The following ANKHD1 variants were observed in gnomAD, a reference collection of about 807,000 sequenced individuals.
ANKHD1 encodes ankyrin repeat and KH domain-containing protein 1.
Under a neutral mutation model 230.5 loss-of-function variants are expected in ANKHD1, and 31 were observed. The observed-to-expected ratio is 0.13, with a 90% confidence interval of 0.10 to 0.18. ANKHD1 has a LOEUF of 0.18. ANKHD1 is among the 10% of genes least tolerant of loss of function. The pLI, the probability that ANKHD1 is intolerant of heterozygous loss-of-function variation, is 1.00. For missense variants in ANKHD1, 2,256 were observed against 3,071.3 expected (o/e 0.73, Z 6.27); for synonymous variants, 1,074 against 1,117.6 (o/e 0.96, Z 0.78).
Position 140,402,209 on chromosome 5 carries a change from C to A in ANKHD1, c.242C>A (p.Ala81Asp), listed in dbSNP as rs1401724620. The part of the protein sequence containing the change: ...GDAALDFKLA[A>D]AVLRTGGGGG... ...GCGGCGCTGGATTTCAAGTTGGCGG[C>A]TGCCGTGCTGAGGACCGGGGGTGGA... Residue 81 changes from alanine to aspartate, a missense_variant, in exon 1 of 34, where the codon GCT becomes GAT. By Grantham distance (126) the Ala-to-Asp change is moderately radical (BLOSUM62 -2). Around this residue, in one of 13 missense-constraint regions of ANKHD1, gnomAD observed 193 missense variants for 185.8 expected, o/e 1.04. Transcript: ENST00000360839. The A allele has an allele frequency of 2.6e-6, 4 of 1,523,588 alleles. No individual in the cohort carries two copies. The African/African-American group carries it at 5.6e-5, about 21-fold the overall frequency. 94.4% of individuals were successfully genotyped at this position (1,523,588 alleles called of 1,614,324 possible).
At chr5:140,438,401 C>A in intron 2 of ANKHD1, 60 bp from the exon 3 acceptor site, 2 of 1,447,780 alleles carry the variant, frequency 1.4e-6, no homozygotes, top group South Asian at 1.6e-5. Context: ...TTACAATTTG[C>A]ACTTTTATAC....
At chr5:140,424,849 G>GAA (rs1772276367) in intron 1 of ANKHD1, among the ~76,000 whole-genome samples, 1 of 152,234 alleles carries the variant, frequency 6.6e-6, no homozygotes, top group African/African-American at 2.4e-5. Context: ...TTGGTGTAGT[G>GAA]AAAAGGGTGT....
chr5:140,440,705 G>A lies in ANKHD1; in HGVS notation c.766-290G>A, dbSNP rs569916328. Among the ~76,000 whole-genome samples the A allele has an allele frequency of 2.2e-4, 33 of 152,126 alleles. No individual in the cohort carries two copies. The South Asian group carries it at 6.8e-3, about 32-fold the overall frequency. On this transcript the variant is annotated intron_variant, in intron 4 of 33. Coordinates refer to ENST00000360839, the MANE Select transcript of ANKHD1 (RefSeq NM_017747.3). Reference sequence around the variant, plus strand: ...TGTGAGTATAGTTTTGCTGTTCTTTGGCTAGATAACCTCAAGCATAACATT... The same window carrying A: ...TGTGAGTATAGTTTTGCTGTTCTTTAGCTAGATAACCTCAAGCATAACATT...
At chr5:140,520,263 A>T (rs1753264356) in intron 24 of ANKHD1, among the ~76,000 whole-genome samples, 1 of 152,100 alleles carries the variant, frequency 6.6e-6, no homozygotes, top group South Asian at 2.1e-4. Context: ...GGCGATCATT[A>T]AAAAGTCAGG....
intron 10 of ANKHD1, among the ~76,000 whole-genome samples, chr5:140,475,972 G>A (rs958873668): frequency 6.6e-6 from 1 of 152,118 alleles, no homozygotes; most frequent in African/African-American, 2.4e-5. Flanking sequence ...TGAGAATTAT[G>A]AACATGTTTA....
intron 9 of ANKHD1, among the ~76,000 whole-genome samples, chr5:140,459,910 T>A (rs1775580475): frequency 6.6e-6 from 1 of 152,218 alleles, no homozygotes; most frequent in Admixed American, 6.5e-5. Context: ...CTTAGACTCC[T>A]AAGTCTCTAA....
chr5:140,451,297 A>T (rs1233170940), intron 7 of ANKHD1, among the ~76,000 whole-genome samples: 1 of 152,202 alleles, frequency 6.6e-6, no homozygotes, highest in African/African-American at 2.4e-5. Context: ...TTTTCTTTTC[A>T]ATTAGAAATG....
intron 7 of ANKHD1, among the ~76,000 whole-genome samples, chr5:140,454,811 G>A (rs1181962749): frequency 1.3e-5 from 2 of 152,150 alleles, no homozygotes; most frequent in Non-Finnish European, 2.9e-5. Context: ...AACTAGAGAA[G>A]TAAGAGCAAA....
At chr5:140,447,556 A>G (rs916975862) in intron 6 of ANKHD1, among the ~76,000 whole-genome samples, 5 of 152,174 alleles carry the variant, frequency 3.3e-5, no homozygotes, top group Non-Finnish European at 7.4e-5. Context: ...ATACTATTTC[A>G]CTATTTCATT....
At chr5:140,465,630 A>G (rs1776028165) in intron 10 of ANKHD1, among the ~76,000 whole-genome samples, 1 of 152,212 alleles carries the variant, frequency 6.6e-6, no homozygotes, top group Non-Finnish European at 1.5e-5. Context: ...TGCAAGTATT[A>G]CCTTTTAAAT....
intron 24 of ANKHD1, among the ~76,000 whole-genome samples, chr5:140,516,903 A>G (rs1453723018): frequency 2.0e-5 from 3 of 152,152 alleles, no homozygotes; most frequent in Admixed American, 6.5e-5. Context: ...ATAAACAGCT[A>G]ACATCATAAT....
chr5:140,449,107 A>T lies in ANKHD1; in HGVS notation c.1148-104A>T, dbSNP rs761436347. Reference sequence around the variant, plus strand: ...TTATTTATTGAATGCAAAATAAGTTATCAAATTCTTGTATAGACATCTGAA... The same window carrying T: ...TTATTTATTGAATGCAAAATAAGTTTTCAAATTCTTGTATAGACATCTGAA... On this transcript the variant is annotated intron_variant, in intron 6 of 33. Coordinates refer to ENST00000360839, the MANE Select transcript of ANKHD1 (RefSeq NM_017747.3). 11 of 1,202,344 alleles carry T rather than the reference A, an allele frequency of 9.1e-6. 1 individual carries two copies. In the African/African-American group the frequency reaches 1.5e-4, roughly 17 times the overall value. The allele number at this position is 1,202,344 out of a possible 1,614,324, so 74.5% of individuals were successfully genotyped here. A position where few individuals can be genotyped will look rare whatever the true frequency, so the allele number is the denominator to read the frequency against.
At chr5:140,490,396 G>A (rs1476078583) in intron 14 of ANKHD1, among the ~76,000 whole-genome samples, 4 of 152,152 alleles carry the variant, frequency 2.6e-5, no homozygotes, top group South Asian at 2.1e-4. Flanking sequence ...TGCCCCATGT[G>A]TACCATTTGT....
chr5:140,530,191 ATTTTATT>A (rs1753751111), intron 29 of ANKHD1, among the ~76,000 whole-genome samples: 1 of 151,628 alleles, frequency 6.6e-6, no homozygotes. Context: ...TTTTTTATGT[ATTTTATT>A]TTTTATTTTT....
At chr5:140,440,907 A>C (rs1773799853) in intron 4 of ANKHD1, 88 bp from the exon 5 acceptor site, 1 of 1,350,068 alleles carries the variant, frequency 7.4e-7, no homozygotes, top group African/African-American at 1.5e-5. Flanking sequence ...ATTCTAGAAG[A>C]ATATCTTCAG....
intron 24 of ANKHD1, among the ~76,000 whole-genome samples, chr5:140,514,940 C>T (rs951404819): frequency 2.7e-5 from 4 of 150,084 alleles, no homozygotes; most frequent in African/African-American, 2.5e-5. Flanking sequence ...CAATGAGCCA[C>T]TGCACTCCAG....
intron 7 of ANKHD1, among the ~76,000 whole-genome samples, chr5:140,454,387 A>G (rs1774997985): frequency 6.6e-6 from 1 of 152,160 alleles, no homozygotes; most frequent in Non-Finnish European, 1.5e-5. Context: ...AGAACTCTCC[A>G]CCCCAAATCA....
intron 1 of ANKHD1, among the ~76,000 whole-genome samples, chr5:140,433,005 G>A (rs1190751509): frequency 6.7e-6 from 1 of 149,732 alleles, no homozygotes; most frequent in Admixed American, 6.7e-5. Flanking sequence ...TGCTCGGCTC[G>A]TACCTTACAT....
In ANKHD1 at chr5:140,527,198, T is replaced by G; in HGVS notation, c.5087+124T>G. ...ATTATTTTAAACTGCATTGCCACAC[T>G]AAATCCAGAATATGCTAAAGCAAAA... On this transcript the variant is annotated intron_variant, in intron 27 of 33. Coordinates refer to ENST00000360839, the MANE Select transcript of ANKHD1 (RefSeq NM_017747.3). This position sits in a 1 kb window ranked among gnomAD's most constrained non-coding sequence, Gnocchi z 4.5. 7.5e-7 allele frequency: 1 copy of G among 1,341,494 alleles called. No individual in the cohort carries two copies. The highest frequency in any genetic ancestry group is 9.7e-7 in the Non-Finnish European group (1 of 1,031,242). The allele number at this position is 1,341,494 out of a possible 1,614,324, so 83.1% of individuals were successfully genotyped here.
Sources: allele counts gnomAD v4.1 joint callset (sites outside exome capture counted in the v4.1 genomes callset), GRCh38; gene constraint gnomAD v4.1.1; regional missense constraint gnomAD v4.1.1; non-coding constraint Gnocchi (gnomAD v3.1); transcripts MANE v1.5; gene names NCBI Gene and HGNC (gene_info 2026-07-23, HGNC 2026-07-21).